Variants in SLC9B2 observed in about 807,000 individuals in gnomAD.
The protein encoded by SLC9B2 is sodium/hydrogen exchanger 9B2.
In SLC9B2, 39 loss-of-function variants were observed where a neutral mutation model predicts 52.2. That is an observed-to-expected ratio of 0.75 (90% confidence interval 0.58 to 0.98). SLC9B2 has a LOEUF of 0.98. Ranked by LOEUF, SLC9B2 falls within the 50% of genes least tolerant of loss-of-function variation. The pLI is 0.00. For missense variants in SLC9B2, 626 were observed against 637.5 expected, an observed-to-expected ratio of 0.98 and a Z score of 0.19; for synonymous variants, 214 against 227.0, an observed-to-expected ratio of 0.94 and a Z score of 0.51.
At chr4:103,029,587 A>T (rs1219008179) in intron 10 of SLC9B2, among the ~76,000 whole-genome samples, 1 of 152,140 alleles carries the variant, frequency 6.6e-6, no homozygotes, top group Non-Finnish European at 1.5e-5. Flanking sequence ...GTTAACATAC[A>T]CAGCTACTCC....
intron 1 of SLC9B2, among the ~76,000 whole-genome samples, chr4:103,068,709 G>A (rs544997647): frequency 2.5e-4 from 38 of 152,232 alleles, no homozygotes; most frequent in African/African-American, 9.1e-4. Context: ...AATGCAACAA[G>A]TAGAATGAGT....
At chr4:103,020,462 CTAA>C, downstream of SLC9B2, 1 of 380,460 alleles carries the variant, frequency 2.6e-6, no homozygotes, top group South Asian at 1.9e-5. Context: ...CCTTTCCTAT[CTAA>C]TGTTTCTCCT....
At chr4:103,058,354 A>C (rs1229180809) in intron 3 of SLC9B2, among the ~76,000 whole-genome samples, 2 of 152,128 alleles carry the variant, frequency 1.3e-5, no homozygotes, top group Non-Finnish European at 2.9e-5. Flanking sequence ...TTACCTACTA[A>C]GGTACCTTTT....
intron 4 of SLC9B2, among the ~76,000 whole-genome samples, chr4:103,056,913 T>C (rs1745178580): frequency 6.6e-6 from 1 of 152,184 alleles, no homozygotes; most frequent in African/African-American, 2.4e-5. Flanking sequence ...TTGGTTGATA[T>C]TTTTGCTTAT....
chr4:103,066,041 A>C (rs547390340), intron 3 of SLC9B2, among the ~76,000 whole-genome samples: 38 of 152,342 alleles, frequency 2.5e-4, no homozygotes, highest in African/African-American at 9.1e-4. Context: ...GAAATTACTC[A>C]GATATAGTAA....
At chr4:103,067,139 G>C (rs962018659) in intron 2 of SLC9B2, among the ~76,000 whole-genome samples, 1 of 151,940 alleles carries the variant, frequency 6.6e-6, no homozygotes, top group African/African-American at 2.4e-5. Flanking sequence ...TAAAATTCAG[G>C]GCAATAATTG....
At chr4:103,068,842 CA>C (rs1746374382) in intron 1 of SLC9B2, among the ~76,000 whole-genome samples, 2 of 152,090 alleles carry the variant, frequency 1.3e-5, no homozygotes, top group African/African-American at 4.8e-5. Context: ...CTATGCTAGA[CA>C]TAAAGACAAG....
intron 6 of SLC9B2, 57 bp from the exon 7 acceptor site, chr4:103,047,283 A>G: frequency 6.9e-7 from 1 of 1,443,068 alleles, no homozygotes; most frequent in East Asian, 2.5e-5. Context: ...ACTATTTTGA[A>G]ATTATAATGC....
intron 9 of SLC9B2, among the ~76,000 whole-genome samples, chr4:103,038,372 T>C (rs192903830): frequency 9.8e-5 from 15 of 152,350 alleles, no homozygotes; most frequent in African/African-American, 3.6e-4. Flanking sequence ...GGCCAAAATT[T>C]GTTTTTGATT....
chr4:103,035,110 A>G (rs142187353), intron 9 of SLC9B2, among the ~76,000 whole-genome samples: 93 of 152,080 alleles, frequency 6.1e-4, no homozygotes, highest in African/African-American at 2.0e-3. Context: ...CATTAGTTAT[A>G]TTTTTCCTGG....
At chr4:103,057,265 T>C (rs1339325844) in intron 4 of SLC9B2, among the ~76,000 whole-genome samples, 18 of 100,276 alleles carry the variant, frequency 1.8e-4, no homozygotes, top group South Asian at 9.5e-4. Context: ...TATATATATA[T>C]ATATATATAC....
intron 4 of SLC9B2, among the ~76,000 whole-genome samples, chr4:103,052,677 G>A (rs1296041154): frequency 6.6e-6 from 1 of 151,120 alleles, no homozygotes; most frequent in East Asian, 1.9e-4. Context: ...TCAAAACTAT[G>A]TTAAGAGGTT....
At chr4:103,051,060 G>A (rs1009792338) in intron 4 of SLC9B2, among the ~76,000 whole-genome samples, 1 of 152,162 alleles carries the variant, frequency 6.6e-6, no homozygotes, top group African/African-American at 2.4e-5. Context: ...TGAGGGGGAT[G>A]TTACATGAGC....
In SLC9B2 at chr4:103,028,832, G is replaced by C. The variant is rs1280437700; in HGVS notation, c.1307C>G (p.Thr436Arg). Residue 436 changes from threonine to arginine, a missense_variant, in exon 11 of 12, where the codon ACA becomes AGA. By Grantham distance (71) the Thr-to-Arg change is moderately conservative. Coordinates refer to ENST00000394785, the MANE Select transcript of SLC9B2 (RefSeq NM_178833.7). Reference protein sequence around the residue: ...GIAVLIRILTTFLMVCFAGFN... With the variant: ...GIAVLIRILTRFLMVCFAGFN... ...ACCAGCAAAACACACCATCAGAAATGTAGTCAAAATTCGTATCAATACTGC... is the reference window on the plus strand; with the variant it reads ...ACCAGCAAAACACACCATCAGAAATCTAGTCAAAATTCGTATCAATACTGC... The C allele has an allele frequency of 1.2e-6, 2 of 1,608,976 alleles. No homozygotes were observed. The highest frequency in any genetic ancestry group is 1.7e-6 in the Non-Finnish European group (2 of 1,178,412).
At position 103,043,302 on chromosome 4, in the gene SLC9B2, G is replaced by A. The variant is rs776710243; in HGVS notation, c.1140C>T (p.Ser380=). ...AACTTAAAATGAAATTCACCTTTTCGCTGGTCCATCCCATGCCTGCAAGGA... is the reference window on the plus strand; with the variant it reads ...AACTTAAAATGAAATTCACCTTTTCACTGGTCCATCCCATGCCTGCAAGGA... ...MAFLAGMGWT[S]EKAEVEKIIA... The change falls in exon 9 of 12, where the codon AGC becomes AGT. Residue 380 remains serine (S), a synonymous_variant. Coordinates refer to ENST00000394785, the MANE Select transcript of SLC9B2 (RefSeq NM_178833.7). 3.8e-6 allele frequency: 6 copies of A among 1,598,854 alleles called. No individual in the cohort carries two copies. Among genetic ancestry groups the A allele is most frequent in the Admixed American group, 3.6e-5 (2 of 54,904 alleles).
At chr4:103,048,210 T>A (rs1744341752) in intron 6 of SLC9B2, among the ~76,000 whole-genome samples, 1 of 152,298 alleles carries the variant, frequency 6.6e-6, no homozygotes, top group East Asian at 1.9e-4. Context: ...TTTTGAGCAC[T>A]TTACACGTAT....
At chr4:103,019,438 G>T (rs1484518991), downstream of SLC9B2, among the ~76,000 whole-genome samples, 8 of 152,234 alleles carry the variant, frequency 5.3e-5, no homozygotes, top group Admixed American at 5.2e-4. Flanking sequence ...GACAATGTCT[G>T]TGGCTGTTCC....
chr4:103,054,777 T>G (rs1261077549), intron 4 of SLC9B2, among the ~76,000 whole-genome samples: 3 of 152,224 alleles, frequency 2.0e-5, no homozygotes, highest in South Asian at 2.1e-4. Context: ...GGAACACTTT[T>G]ACACTGTTGG....
At chr4:103,058,005 T>C in intron 3 of SLC9B2, 34 bp from the exon 4 acceptor site, 3 of 1,565,436 alleles carry the variant, frequency 1.9e-6, no homozygotes, top group Non-Finnish European at 2.6e-6. Context: ...TTACTATCAA[T>C]AAGTTGTCAC....
Sources: allele counts gnomAD v4.1 joint callset (sites outside exome capture counted in the v4.1 genomes callset), GRCh38; gene constraint gnomAD v4.1.1; transcripts MANE v1.5; gene names NCBI Gene and HGNC (gene_info 2026-07-23, HGNC 2026-07-21).